Variants in PCDHGA2 observed in about 807,000 individuals in gnomAD.
PCDHGA2 encodes protocadherin gamma subfamily A, 2, also known as protocadherin gamma-A2.
Under a neutral mutation model 59.2 loss-of-function variants are expected in PCDHGA2, and 40 were observed. That is an observed-to-expected ratio of 0.68 (90% CI 0.52 to 0.88). The LOEUF (loss-of-function observed/expected upper bound fraction) is 0.88, where lower values mean the gene tolerates loss of function less well. PCDHGA2 is among the 40% of genes least tolerant of loss of function. PCDHGA2 has a pLI of 0.00. For missense variants in PCDHGA2, 1,226 were observed against 1,204.0 expected (o/e 1.02, Z -0.27); for synonymous variants, 560 against 526.0 (o/e 1.06, Z -0.89).
chr5:141,395,302 T>C, intron 1 of PCDHGA2: 1 of 1,516,670 alleles, frequency 6.6e-7, no homozygotes, highest in East Asian at 2.3e-5. Flanking sequence ...AATTATGTTT[T>C]GAAAAACATT....
intron 1 of PCDHGA2, chr5:141,385,092 C>T (rs778613931): frequency 1.9e-6 from 3 of 1,614,210 alleles, no homozygotes; most frequent in Admixed American, 3.3e-5. Context: ...CAGAAGGTGG[C>T]TTGGCGAACG....
At chr5:141,413,740 C>A in intron 1 of PCDHGA2, 2 of 1,613,402 alleles carry the variant, frequency 1.2e-6, no homozygotes, top group Non-Finnish European at 1.7e-6. Flanking sequence ...AGTTCAGAGC[C>A]GTGCCAATGG....
At chr5:141,350,082 G>A (rs1433237276) in intron 1 of PCDHGA2, 1 of 441,424 alleles carries the variant, frequency 2.3e-6, no homozygotes, top group Non-Finnish European at 3.9e-6. Flanking sequence ...CAATTCTGCA[G>A]GAGCGTCAGG....
At chr5:141,499,625 C>A (rs1238895570) in intron 2 of PCDHGA2, among the ~76,000 whole-genome samples, 1 of 149,832 alleles carries the variant, frequency 6.7e-6, no homozygotes, top group East Asian at 2.0e-4. Flanking sequence ...TCCTTGGATT[C>A]TTTTGAAGCA....
intron 2 of PCDHGA2, among the ~76,000 whole-genome samples, chr5:141,502,401 G>A (rs191747075): frequency 2.0e-5 from 3 of 151,874 alleles, no homozygotes; most frequent in Admixed American, 1.3e-4. Flanking sequence ...AAATGTCCCC[G>A]AACCTGGATT....
chr5:141,346,311 A>G, intron 1 of PCDHGA2: 1 of 1,614,210 alleles, frequency 6.2e-7, no homozygotes, highest in Non-Finnish European at 8.5e-7. Flanking sequence ...GGTCTCCCTC[A>G]CTGCGGACTC....
intron 2 of PCDHGA2, among the ~76,000 whole-genome samples, chr5:141,501,290 T>TACACATACAC (rs1224133816): frequency 4.6e-4 from 62 of 136,246 alleles, no homozygotes; most frequent in Admixed American, 7.0e-4. Flanking sequence ...TATTCCCTTA[T>TACACATACAC]ACACACACAC....
chr5:141,345,001 A>G (rs1757502442), intron 1 of PCDHGA2: 2 of 1,613,904 alleles, frequency 1.2e-6, no homozygotes, highest in African/African-American at 2.7e-5. Flanking sequence ...GAAGCACAGG[A>G]TGGACCAGGT....
At chr5:141,374,136 C>A (rs769413254) in intron 1 of PCDHGA2, 3 of 1,605,624 alleles carry the variant, frequency 1.9e-6, no homozygotes, top group Middle Eastern at 1.7e-4. Context: ...CTGCTCCTCA[C>A]GCTCCTGGGG....
intron 1 of PCDHGA2, chr5:141,416,359 A>G (rs1215806118): frequency 6.6e-6 from 1 of 152,228 alleles, no homozygotes; most frequent in Non-Finnish European, 1.5e-5. Flanking sequence ...TGAGGAGGCT[A>G]TAGAGGGTGA....
intron 1 of PCDHGA2, chr5:141,370,170 C>G (rs1188782749): frequency 2.2e-6 from 1 of 459,536 alleles, no homozygotes; most frequent in Non-Finnish European, 3.8e-6. Flanking sequence ...AGCAGAGGCG[C>G]CGGGTGCCGC....
At chr5:141,345,378 C>G in intron 1 of PCDHGA2, 4 of 1,614,072 alleles carry the variant, frequency 2.5e-6, no homozygotes, top group Non-Finnish European at 3.4e-6. Flanking sequence ...CAATGACAAC[C>G]CACCCACCTT....
intron 1 of PCDHGA2, chr5:141,427,240 C>G (rs1447231420): frequency 1.3e-5 from 6 of 456,536 alleles, no homozygotes; most frequent in Non-Finnish European, 2.6e-5. Context: ...AGAGTAGAAG[C>G]TAAGGATGGT....
chr5:141,390,118 C>G, intron 1 of PCDHGA2: 2 of 1,614,036 alleles, frequency 1.2e-6, no homozygotes, highest in Non-Finnish European at 1.7e-6. Context: ...AGCGAGGGGA[C>G]TTTGCCTTAT....
At chr5:141,395,156 T>C in intron 1 of PCDHGA2, 4 of 1,614,114 alleles carry the variant, frequency 2.5e-6, no homozygotes, top group East Asian at 4.5e-5. Context: ...TGCTCATCAG[T>C]CAGGAGGGCT....
chr5:141,371,136 A>C (rs775992488), intron 1 of PCDHGA2: 1 of 1,614,042 alleles, frequency 6.2e-7, no homozygotes, highest in Non-Finnish European at 8.5e-7. Context: ...GGACATGTAC[A>C]GGGTCAATGT....
In PCDHGA2 at chr5:141,491,177, T is replaced by G; in HGVS notation, c.2425-3630T>G. The G allele has an allele frequency of 6.2e-7, 1 of 1,614,158 alleles. No homozygotes were observed. Among genetic ancestry groups the G allele is most frequent in the Non-Finnish European group, 8.5e-7 (1 of 1,180,010 alleles). Reference sequence around the variant, plus strand: ...GACTCTGACACCCAGCAGGTGGTGGTCCTGGTGAGGGACAATGGTGACCCT... The same window carrying G: ...GACTCTGACACCCAGCAGGTGGTGGGCCTGGTGAGGGACAATGGTGACCCT... On this transcript the variant is annotated intron_variant, in intron 1 of 3. Transcript: ENST00000394576. This position sits in a 1 kb window ranked among gnomAD's most constrained non-coding sequence, Gnocchi z 6.9.
intron 1 of PCDHGA2, chr5:141,341,750 A>G: frequency 2.4e-6 from 1 of 414,894 alleles, no homozygotes. Flanking sequence ...AAATATAAAG[A>G]TTGGAGTTTA....
intron 1 of PCDHGA2, among the ~76,000 whole-genome samples, chr5:141,467,047 A>G (rs1271306217): frequency 1.3e-5 from 2 of 149,986 alleles, no homozygotes; most frequent in East Asian, 3.9e-4. Context: ...GTAATGAATC[A>G]ATGTTTTCTT....
Sources: allele counts gnomAD v4.1 joint callset (sites outside exome capture counted in the v4.1 genomes callset), GRCh38; gene constraint gnomAD v4.1.1; non-coding constraint Gnocchi (gnomAD v3.1); transcripts MANE v1.5; gene names NCBI Gene and HGNC (gene_info 2026-07-23, HGNC 2026-07-21).